The following ESR2 variants were observed in gnomAD, a reference collection of about 807,000 sequenced individuals.
ESR2 encodes the protein estrogen receptor beta.
A neutral mutation model predicts 49.6 loss-of-function variants in ESR2; 36 were observed. The ratio of observed to expected loss-of-function variants is 0.73; its 90% CI spans 0.56 to 0.96. The LOEUF (loss-of-function observed/expected upper bound fraction) is 0.96, where lower values mean the gene tolerates loss of function less well. ESR2 is among the 40% of genes least tolerant of loss of function. ESR2 has a pLI of 0.00. For synonymous variants in ESR2, 320 were observed against 266.1 expected (o/e 1.20, Z -1.97); for missense variants, 714 against 693.0 (o/e 1.03, Z -0.34).
intron 7 of ESR2, among the ~76,000 whole-genome samples, chr14:64,242,840 T>A (rs1366656433): frequency 3.6e-5 from 3 of 83,810 alleles, no homozygotes; most frequent in South Asian, 2.9e-4. Flanking sequence ...CTGGGCAATA[T>A]ACAAAAGAAA....
intron 4 of ESR2, among the ~76,000 whole-genome samples, chr14:64,261,744 A>G (rs1429836622): frequency 6.6e-6 from 1 of 152,098 alleles, no homozygotes; most frequent in Admixed American, 6.5e-5. Flanking sequence ...AGATTGTAGT[A>G]TCTACACTAT....
chr14:64,313,522 G>T (rs2077208249), intron 1 of ESR2, among the ~76,000 whole-genome samples: 1 of 124,270 alleles, frequency 8.0e-6, no homozygotes, highest in Non-Finnish European at 1.6e-5. Flanking sequence ...GCAACAGTGA[G>T]GCTCTGTCAA....
At chr14:64,323,763 C>T (rs1278972019) in intron 1 of ESR2, among the ~76,000 whole-genome samples, 1 of 152,194 alleles carries the variant, frequency 6.6e-6, no homozygotes, top group African/African-American at 2.4e-5. Context: ...ACGATCTCAG[C>T]TCACTGCAAC....
At chr14:64,245,284 C>A (rs947305888) in intron 7 of ESR2, among the ~76,000 whole-genome samples, 3 of 151,994 alleles carry the variant, frequency 2.0e-5, no homozygotes, top group African/African-American at 7.2e-5. Flanking sequence ...GAGGCCGAGG[C>A]AAGCGGATCA....
chr14:64,329,665 TCATA>T (rs1207784851), intron 1 of ESR2: 2 of 152,162 alleles, frequency 1.3e-5, no homozygotes, highest in African/African-American at 4.8e-5. Flanking sequence ...AAAACTTGTA[TCATA>T]CATACAAACA....
At chr14:64,228,148 A>G (rs1000032545), downstream of ESR2, 14 of 969,550 alleles carry the variant, frequency 1.4e-5, no homozygotes, top group Non-Finnish European at 1.8e-5. Flanking sequence ...CTCTTCTGAA[A>G]TTGTACTCAA....
intron 5 of ESR2, 99 bp downstream of exon 5, chr14:64,260,350 G>T: frequency 8.6e-7 from 1 of 1,162,150 alleles, no homozygotes; most frequent in Non-Finnish European, 1.3e-6. Context: ...AAATATCTAG[G>T]CACAGCTCAT....
chr14:64,327,313 C>T (rs913980540), intron 1 of ESR2, among the ~76,000 whole-genome samples: 1 of 152,178 alleles, frequency 6.6e-6, no homozygotes, highest in African/African-American at 2.4e-5. Context: ...GTAATCCCAG[C>T]ACTTTGGGAG....
At chr14:64,302,472 G>A (rs1425223025) in intron 1 of ESR2, among the ~76,000 whole-genome samples, 2 of 151,710 alleles carry the variant, frequency 1.3e-5, no homozygotes, top group Non-Finnish European at 2.9e-5. Context: ...CAGGTGTGAG[G>A]CACCGCGCCC....
At chr14:64,319,540 G>T (rs918815191) in intron 1 of ESR2, among the ~76,000 whole-genome samples, 1 of 152,100 alleles carries the variant, frequency 6.6e-6, no homozygotes, top group Non-Finnish European at 1.5e-5. Flanking sequence ...ATAAAGGATT[G>T]TTATCCCAAA....
downstream of ESR2, chr14:64,227,122 A>G (rs1596351320): frequency 1.1e-5 from 2 of 189,162 alleles, no homozygotes; most frequent in Non-Finnish European, 2.1e-5. Flanking sequence ...GAAGATACTG[A>G]ACACAGTTCC....
rs369372062 is a variant in ESR2 at position 64,318,335 on chromosome 14, G to A, written c.-91+19563C>T. Reference sequence around the variant, plus strand: ...GTGGATCACTTGAGGTTAGGAGTTCGAGACCAGCCTGACCAACATAGTAAA... The same window carrying A: ...GTGGATCACTTGAGGTTAGGAGTTCAAGACCAGCCTGACCAACATAGTAAA... On this transcript the variant is annotated intron_variant, in intron 1 of 8. Transcript: ENST00000358599. Among the ~76,000 whole-genome samples the A allele has an allele frequency of 3.0e-3, 452 of 150,858 alleles. 1 individual carries two copies. The highest frequency in any genetic ancestry group is 0.011 in the African/African-American group (432 of 41,114).
chr14:64,308,432 T>C (rs184296223), intron 1 of ESR2, among the ~76,000 whole-genome samples: 16 of 152,358 alleles, frequency 1.1e-4, no homozygotes, highest in Admixed American at 3.9e-4. Flanking sequence ...CACTTTCCAA[T>C]TTCTTTTTTT....
Position 64,246,427 on chromosome 14 carries a change from G to A in ESR2, c.1225+3119C>T, listed in dbSNP as rs188980837. On this transcript the variant is annotated intron_variant, in intron 7 of 8. Transcript: ENST00000341099. ...GTATCTTGCTTCCTCTTCACTTTCC[G>A]CCATTATTGTAAGTCTCCTGAGGCC... 9.2e-5 allele frequency among the ~76,000 whole-genome samples: 14 copies of A among 152,002 alleles called. No individual in the cohort carries two copies. In the South Asian group the frequency reaches 1.2e-3, roughly 14 times the overall value.
At chr14:64,322,334 C>T (rs776763441) in intron 1 of ESR2, among the ~76,000 whole-genome samples, 8 of 152,124 alleles carry the variant, frequency 5.3e-5, no homozygotes, top group Non-Finnish European at 1.2e-4. Flanking sequence ...GCTGGGATTA[C>T]AGGCATGTGC....
At chr14:64,266,471 G>T (rs1457641745) in intron 4 of ESR2, among the ~76,000 whole-genome samples, 1 of 152,240 alleles carries the variant, frequency 6.6e-6, no homozygotes, top group East Asian at 1.9e-4. Flanking sequence ...ACTGCCTTGA[G>T]CCATGAGGGC....
rs147339128 is a variant in ESR2 at position 64,317,953 on chromosome 14, C to A, written c.-91+19945G>T. Among the ~76,000 whole-genome samples the A allele has an allele frequency of 1.4e-4, 21 of 152,164 alleles. No individual in the cohort carries two copies. In the East Asian group the frequency reaches 2.9e-3, roughly 21 times the overall value. On this transcript the variant is annotated intron_variant, in intron 1 of 8. Transcript: ENST00000358599. ...CCTCTAAGATTGAAAACAGGATATCCATGCTTATTGTTCTTATTCAGTACA... is the reference window on the plus strand; with the variant it reads ...CCTCTAAGATTGAAAACAGGATATCAATGCTTATTGTTCTTATTCAGTACA...
intron 1 of ESR2, among the ~76,000 whole-genome samples, chr14:64,315,985 T>G (rs529906680): frequency 9.3e-4 from 141 of 151,906 alleles, no homozygotes; most frequent in Non-Finnish European, 1.7e-3. Flanking sequence ...CCTTAACTAT[T>G]AAAGAGATTG....
rs1020324147 is a variant in ESR2, at chr14:64,323,503, G to A, written c.-91+14395C>T. Among the ~76,000 whole-genome samples the A allele has an allele frequency of 2.2e-5, 3 of 137,580 alleles. No individual in the cohort carries two copies. In the East Asian group the frequency reaches 6.0e-4, roughly 27 times the overall value. The allele number at this position is 137,580 out of a possible 152,430, so 90.3% of individuals were successfully genotyped here. Reference sequence around the variant, plus strand: ...TTACAGGTGTGAGCCACCATGCCTGGCCAAGCACACGTTATTTTGTACAAT... The same window carrying A: ...TTACAGGTGTGAGCCACCATGCCTGACCAAGCACACGTTATTTTGTACAAT... On this transcript the variant is annotated intron_variant, in intron 1 of 8. Coordinates refer to the ESR2 transcript ENST00000358599.
Sources: allele counts gnomAD v4.1 joint callset (sites outside exome capture counted in the v4.1 genomes callset), GRCh38; gene constraint gnomAD v4.1.1; transcripts MANE v1.5; gene names NCBI Gene and HGNC (gene_info 2026-07-23, HGNC 2026-07-21).